The following NCAM2 variants were observed in gnomAD, a reference collection of about 807,000 sequenced individuals.
NCAM2 encodes neural cell adhesion molecule 2, also known as N-CAM-2.
Under a neutral mutation model 98.1 loss-of-function variants are expected in NCAM2, and 30 were observed. The ratio of observed to expected loss-of-function variants is 0.31; its 90% CI spans 0.23 to 0.41. The LOEUF (loss-of-function observed/expected upper bound fraction) is 0.41. NCAM2 is among the 10% of genes least tolerant of loss of function. NCAM2 has a pLI of 1.00. For synonymous variants in NCAM2, 368 were observed against 342.4 expected, an observed-to-expected ratio of 1.07 and a Z score of -0.83; for missense variants, 867 against 1,005.8, an observed-to-expected ratio of 0.86 and a Z score of 1.87.
chr21:21,262,298 A>C (rs2071935818), intron 1 of NCAM2, among the ~76,000 whole-genome samples: 1 of 152,110 alleles, frequency 6.6e-6, no homozygotes, highest in Admixed American at 6.6e-5. Context: ...GCTAGTACTA[A>C]TCTTATTGAA....
chr21:21,349,126 A>G (rs548615573), intron 8 of NCAM2, among the ~76,000 whole-genome samples: 2 of 152,332 alleles, frequency 1.3e-5, no homozygotes, highest in Middle Eastern at 6.8e-3. Flanking sequence ...ATCAAAGGTT[A>G]CAATCAACAA....
intron 10 of NCAM2, among the ~76,000 whole-genome samples, chr21:21,415,393 T>A (rs1400291923): frequency 7.3e-6 from 1 of 137,846 alleles, no homozygotes; most frequent in Non-Finnish European, 1.5e-5. Flanking sequence ...GGCTGTGTAG[T>A]GGCGCGATCT....
chr21:21,206,734 T>C (rs1169860303), intron 1 of NCAM2, among the ~76,000 whole-genome samples: 1 of 152,162 alleles, frequency 6.6e-6, no homozygotes, highest in Admixed American at 6.6e-5. Flanking sequence ...TGTACCTTAG[T>C]TCTTTGGTAT....
intron 1 of NCAM2, among the ~76,000 whole-genome samples, chr21:21,159,562 G>C (rs1243656336): frequency 6.6e-6 from 1 of 152,094 alleles, no homozygotes; most frequent in African/African-American, 2.4e-5. Context: ...GTTGCCTCCA[G>C]TATTTAGTAT....
chr21:21,228,057 G>A (rs1431235123), intron 1 of NCAM2, among the ~76,000 whole-genome samples: 1 of 151,674 alleles, frequency 6.6e-6, no homozygotes, highest in South Asian at 2.1e-4. Flanking sequence ...CCATGCCACT[G>A]ATAAAGGGTT....
Position 21,433,742 on chromosome 21 carries a change from CAATAAAATAAAATAAAATAAAATAA to C in NCAM2, c.1654+1494_1654+1518del, listed in dbSNP as rs71322060. 2.0e-4 allele frequency among the ~76,000 whole-genome samples: 21 copies of C among 105,210 alleles called. No individual in the cohort carries two copies. The South Asian group carries it at 2.8e-3, about 14-fold the overall frequency. 69.0% of individuals were successfully genotyped at this position (105,210 alleles called of 152,430 possible). A position where few individuals can be genotyped will look rare whatever the true frequency, so the allele number is the denominator to read the frequency against. On this transcript the variant is annotated intron_variant, in intron 12 of 17. Coordinates refer to ENST00000400546, the MANE Select transcript of NCAM2 (RefSeq NM_004540.5). ...TGGGCGACAGAGCAAGACTCCATCT[CAATAAAATAAAATAAAATAAAATAA>C]AATAAAATAAAATAAAATAAAATAA...
intron 1 of NCAM2, among the ~76,000 whole-genome samples, chr21:21,084,615 ATAATG>A (rs945212108): frequency 5.3e-5 from 8 of 152,220 alleles, no homozygotes; most frequent in Non-Finnish European, 1.0e-4. Context: ...GCTGTAAACA[ATAATG>A]TAATAAAACA....
At chr21:21,027,818 A>G (rs1251230490) in intron 1 of NCAM2, among the ~76,000 whole-genome samples, 1 of 151,428 alleles carries the variant, frequency 6.6e-6, no homozygotes, top group African/African-American at 2.4e-5. Flanking sequence ...AGTCCTGAAT[A>G]TGTAATTGCC....
At chr21:21,278,552 T>C (rs2072814480) in intron 1 of NCAM2, among the ~76,000 whole-genome samples, 2 of 152,194 alleles carry the variant, frequency 1.3e-5, no homozygotes. Flanking sequence ...ACTTGCACTT[T>C]TATTTTTCTT....
chr21:21,466,388 G>T (rs1328765959), intron 12 of NCAM2, among the ~76,000 whole-genome samples: 5 of 151,974 alleles, frequency 3.3e-5, no homozygotes, highest in Admixed American at 2.6e-4. Flanking sequence ...AAAGTACGTG[G>T]CTTGGAAAGC....
At chr21:21,335,169 G>A (rs1233511743) in intron 6 of NCAM2, among the ~76,000 whole-genome samples, 1 of 152,026 alleles carries the variant, frequency 6.6e-6, no homozygotes, top group Non-Finnish European at 1.5e-5. Context: ...ACATTTAATT[G>A]TGTATGGGAT....
chr21:21,016,977 AG>A (rs1168421805), intron 1 of NCAM2, among the ~76,000 whole-genome samples: 1 of 152,198 alleles, frequency 6.6e-6, no homozygotes, highest in Non-Finnish European at 1.5e-5. Flanking sequence ...GTCCTCCAAA[AG>A]CTTATGATAT....
At chr21:21,299,924 C>G (rs150340175) in intron 5 of NCAM2, among the ~76,000 whole-genome samples, 64 of 152,066 alleles carry the variant, frequency 4.2e-4, no homozygotes, top group African/African-American at 1.5e-3. Context: ...ATAGCCTACA[C>G]ACATTCTTCC....
chr21:21,351,904 G>A (rs750375582), intron 8 of NCAM2, among the ~76,000 whole-genome samples: 19 of 151,932 alleles, frequency 1.3e-4, no homozygotes, highest in Middle Eastern at 3.4e-3. Context: ...ACGCCATCAC[G>A]CCCGGCTAAT....
At chr21:21,001,305 A>G (rs542397711) in intron 1 of NCAM2, among the ~76,000 whole-genome samples, 1 of 152,100 alleles carries the variant, frequency 6.6e-6, no homozygotes, top group East Asian at 1.9e-4. Context: ...GCTTTTTTTT[A>G]TTGTAGCAGA....
intron 8 of NCAM2, among the ~76,000 whole-genome samples, chr21:21,351,530 A>C (rs980227528): frequency 2.6e-5 from 4 of 152,170 alleles, no homozygotes; most frequent in Admixed American, 2.6e-4. Flanking sequence ...AAAATTTTGA[A>C]TTATCTTGTA....
At chr21:21,170,839 G>T (rs924904995) in intron 1 of NCAM2, among the ~76,000 whole-genome samples, 1 of 152,108 alleles carries the variant, frequency 6.6e-6, no homozygotes, top group Non-Finnish European at 1.5e-5. Flanking sequence ...CCTAGAGGGG[G>T]GAAGGCTGTG....
intron 1 of NCAM2, among the ~76,000 whole-genome samples, chr21:21,119,432 C>G (rs2066627539): frequency 6.6e-6 from 1 of 152,102 alleles, no homozygotes; most frequent in African/African-American, 2.4e-5. Flanking sequence ...TTGCTATTCT[C>G]TAAGGTATTT....
intron 15 of NCAM2, among the ~76,000 whole-genome samples, chr21:21,488,065 T>C (rs920758777): frequency 1.3e-5 from 2 of 152,158 alleles, no homozygotes; most frequent in African/African-American, 4.8e-5. Context: ...ATTTTAAATA[T>C]GCCTATCTAT....
Sources: allele counts gnomAD v4.1 joint callset (sites outside exome capture counted in the v4.1 genomes callset), GRCh38; gene constraint gnomAD v4.1.1; transcripts MANE v1.5; gene names NCBI Gene and HGNC (gene_info 2026-07-23, HGNC 2026-07-21).